The following RAP1GAP2 variants were observed in gnomAD, a reference collection of about 807,000 sequenced individuals.
RAP1GAP2 encodes RAP1 GTPase activating protein 2.
Under a neutral mutation model 95.0 loss-of-function variants are expected in RAP1GAP2, and 27 were observed. The observed-to-expected ratio is 0.28, with a 90% CI of 0.21 to 0.39. RAP1GAP2 has a LOEUF of 0.39. Among genes scored for constraint, RAP1GAP2 ranks in the 10% least tolerant of loss-of-function variants. RAP1GAP2 has a pLI of 1.00. For synonymous variants in RAP1GAP2, 373 were observed against 380.9 expected, an observed-to-expected ratio of 0.98 and a Z score of 0.24; for missense variants, 771 against 970.0, an observed-to-expected ratio of 0.79 and a Z score of 2.72.
chr17:2,961,312 C>G (rs986466266), intron 4 of RAP1GAP2, among the ~76,000 whole-genome samples: 4 of 152,030 alleles, frequency 2.6e-5, no homozygotes, highest in Non-Finnish European at 4.4e-5. Flanking sequence ...GTCAGGAGTT[C>G]GAGACCAGCC....
rs2069119401 is a variant in RAP1GAP2, at chr17:2,797,255, T to A, written c.44+684T>A. Among the ~76,000 whole-genome samples the A allele has an allele frequency of 6.6e-6, 1 of 152,150 alleles. No individual in the cohort carries two copies. Among genetic ancestry groups the A allele is most frequent in the South Asian group, 2.1e-4 (1 of 4,830 alleles). On this transcript the variant is annotated intron_variant, in intron 1 of 24. Coordinates refer to ENST00000254695, the MANE Select transcript of RAP1GAP2 (RefSeq NM_015085.5). This position sits in a 1 kb window ranked among gnomAD's most constrained non-coding sequence, Gnocchi z 5.6. ...TGAGCAGCTGCATCTGTCCCCAGCCTCCTGCCTGGCCCTCTGGACACTCTT... is the reference window on the plus strand; with the variant it reads ...TGAGCAGCTGCATCTGTCCCCAGCCACCTGCCTGGCCCTCTGGACACTCTT...
At chr17:2,962,969 C>A in intron 5 of RAP1GAP2, 1 of 522,068 alleles carries the variant, frequency 1.9e-6, no homozygotes, top group Non-Finnish European at 3.3e-6. Flanking sequence ...CAGGCTTGGC[C>A]GTTTGGCCCG....
intron 2 of RAP1GAP2, among the ~76,000 whole-genome samples, chr17:2,888,559 C>T (rs1161095851): frequency 6.6e-6 from 1 of 152,092 alleles, no homozygotes; most frequent in Admixed American, 6.6e-5. Flanking sequence ...CCCATAATGT[C>T]CTCCAGTTTT....
upstream of RAP1GAP2, among the ~76,000 whole-genome samples, chr17:2,792,921 A>T (rs913923178): frequency 6.6e-6 from 1 of 152,190 alleles, no homozygotes; most frequent in Non-Finnish European, 1.5e-5. Context: ...GGCTGTCTCC[A>T]TAGACCGGGA....
intron 3 of RAP1GAP2, among the ~76,000 whole-genome samples, chr17:2,929,900 C>T (rs1237682499): frequency 6.6e-6 from 1 of 152,138 alleles, no homozygotes; most frequent in Non-Finnish European, 1.5e-5. Flanking sequence ...ACCCACTTCT[C>T]CAGTAGACAT....
intron 2 of RAP1GAP2, among the ~76,000 whole-genome samples, chr17:2,807,289 A>T (rs2069565375): frequency 6.6e-6 from 1 of 152,144 alleles, no homozygotes; most frequent in Non-Finnish European, 1.5e-5. Flanking sequence ...GTCTTTGTTT[A>T]CTGTAGATTA....
At chr17:2,891,587 C>G (rs2067365876) in intron 2 of RAP1GAP2, among the ~76,000 whole-genome samples, 1 of 151,646 alleles carries the variant, frequency 6.6e-6, no homozygotes, top group African/African-American at 2.4e-5. Flanking sequence ...CAGAGCCCCC[C>G]CATCCTCTAG....
At chr17:2,873,911 C>CAT (rs748456545) in intron 2 of RAP1GAP2, among the ~76,000 whole-genome samples, 39,165 of 151,106 alleles carry the variant, frequency 0.26, 5,976 homozygotes, top group East Asian at 0.63. Context: ...TACAGGCATG[C>CAT]GCCACCACGC....
chr17:2,776,823 C>CGGAGGA (rs372983882), upstream of RAP1GAP2, among the ~76,000 whole-genome samples: 1,630 of 144,084 alleles, frequency 0.011, 13 homozygotes, highest in Non-Finnish European at 0.016. Flanking sequence ...CCCGCCGCCC[C>CGGAGGA]GGAGGAGGAG....
intron 2 of RAP1GAP2, among the ~76,000 whole-genome samples, chr17:2,818,543 G>A (rs909779071): frequency 1.3e-5 from 2 of 152,016 alleles, no homozygotes; most frequent in East Asian, 3.9e-4. Context: ...GGCCAGGCTG[G>A]TCTTGAACTC....
At position 2,957,765 on chromosome 17, in the gene RAP1GAP2, G is replaced by C. The variant is rs750248839; in HGVS notation, c.172G>C (p.Glu58Gln). 6.2e-7 allele frequency: 1 copy of C among 1,607,652 alleles called. No individual in the cohort carries two copies. Among genetic ancestry groups the C allele is most frequent in the Non-Finnish European group, 8.5e-7 (1 of 1,176,938 alleles). ...CCCTGCTTTTGTCTTTCAGTCGTCG[G>C]AGTTCTTTGAGATGCTGGAGAAAAT... ...LTAPPTMKSS[E>Q]FFEMLEKMQG... The change falls in exon 4 of 25, where the codon GAG becomes CAG. Residue 58 changes from glutamate to glutamine, a missense_variant. Physicochemically the swap from Glu to Gln is conservative, Grantham distance 29 (BLOSUM62 2). Coordinates refer to ENST00000254695, the MANE Select transcript of RAP1GAP2 (RefSeq NM_015085.5).
At chr17:2,923,579 C>T (rs1318205395) in intron 3 of RAP1GAP2, among the ~76,000 whole-genome samples, 1 of 152,038 alleles carries the variant, frequency 6.6e-6, no homozygotes, top group East Asian at 1.9e-4. Context: ...GGTGATCCAC[C>T]TGCCTCAGCC....
rs182668750 is a variant in RAP1GAP2, at chr17:2,961,463, C to T, written c.202-1207C>T. 3.4e-3 allele frequency among the ~76,000 whole-genome samples: 524 copies of T among 152,292 alleles called. 1 individual carries two copies. Among genetic ancestry groups the T allele is most frequent in the African/African-American group, 0.012 (503 of 41,558 alleles). ...CTGGGAGGTGGAGGTTGCAGTAAGC[C>T]GAGATCATACCACTGCACTCCAGCC... is the stretch of plus-strand genomic sequence containing the variant. On this transcript the variant is annotated intron_variant, in intron 4 of 24. Coordinates refer to ENST00000254695, the MANE Select transcript of RAP1GAP2 (RefSeq NM_015085.5).
At chr17:2,950,058 C>CTT (rs1162303233) in intron 3 of RAP1GAP2, among the ~76,000 whole-genome samples, 30 of 101,366 alleles carry the variant, frequency 3.0e-4, no homozygotes, top group African/African-American at 8.5e-4. Flanking sequence ...TCTTCTTCTT[C>CTT]TTCTTTTTTT....
chr17:3,006,632 G>A (rs1410802608), intron 16 of RAP1GAP2, among the ~76,000 whole-genome samples: 3 of 150,154 alleles, frequency 2.0e-5, no homozygotes, highest in Non-Finnish European at 3.0e-5. Context: ...ATGGGGTTTT[G>A]CCATGTTAGC....
chr17:2,781,756 CTGTG>C (rs530150375), intron 1 of RAP1GAP2, among the ~76,000 whole-genome samples: 8 of 131,632 alleles, frequency 6.1e-5, no homozygotes, highest in South Asian at 5.2e-4. Context: ...GAGTACGTCT[CTGTG>C]TGTGCACGTC....
At chr17:2,794,335 T>C (rs1216906583), upstream of RAP1GAP2, among the ~76,000 whole-genome samples, 1 of 152,072 alleles carries the variant, frequency 6.6e-6, no homozygotes, top group East Asian at 1.9e-4. Flanking sequence ...TGGAGGTGGA[T>C]TGAGTGCAGA....
At chr17:2,920,401 G>C (rs1441078485) in intron 3 of RAP1GAP2, among the ~76,000 whole-genome samples, 1 of 152,080 alleles carries the variant, frequency 6.6e-6, no homozygotes, top group Non-Finnish European at 1.5e-5. Flanking sequence ...CATGCCACCT[G>C]CCTTTGGAAG....
At chr17:2,876,144 A>G (rs1441019342) in intron 2 of RAP1GAP2, among the ~76,000 whole-genome samples, 1 of 151,800 alleles carries the variant, frequency 6.6e-6, no homozygotes, top group Non-Finnish European at 1.5e-5. Flanking sequence ...TCACCGTGTT[A>G]GCCAGGATGG....
Sources: gnomAD v4.1 joint callset for allele counts (sites outside exome capture counted in the v4.1 genomes callset) on GRCh38, gnomAD v4.1.1 for gene constraint, Gnocchi (gnomAD v3.1) non-coding constraint, MANE v1.5 for transcripts, NCBI Gene and HGNC (gene_info 2026-07-23, HGNC 2026-07-21) for gene names.